Variants in ULK4 observed in about 807,000 individuals in gnomAD.
ULK4 encodes inactive serine/threonine-protein kinase ULK4.
A neutral mutation model predicts 160.6 loss-of-function variants in ULK4; 133 were observed. The ratio of observed to expected loss-of-function variants is 0.83; its 90% confidence interval spans 0.72 to 0.96. The LOEUF is 0.96. Ranked by LOEUF, ULK4 falls within the 40% of genes least tolerant of loss-of-function variation. The pLI is 0.00. For synonymous variants in ULK4, 534 were observed against 539.8 expected (o/e 0.99, Z 0.15); for missense variants, 1,580 against 1,499.5 (o/e 1.05, Z -0.89).
In ULK4 at chr3:41,247,966, T is replaced by C. The variant is rs148025300; in HGVS notation, c.3765-974A>G. Among the ~76,000 whole-genome samples the C allele has an allele frequency of 5.3e-3, 803 of 152,332 alleles. 6 individuals carry two copies. Among genetic ancestry groups the C allele is most frequent in the African/African-American group, 0.019 (779 of 41,576 alleles). ...AGCAACTTCCCCGCCCAACACAAGATCTGTCTGGTGTAGACGTTTTAGATG... is the reference window on the plus strand; with the variant it reads ...AGCAACTTCCCCGCCCAACACAAGACCTGTCTGGTGTAGACGTTTTAGATG... On this transcript the variant is annotated intron_variant, in intron 36 of 36. Coordinates refer to ENST00000301831, the MANE Select transcript of ULK4 (RefSeq NM_017886.4).
chr3:41,277,448 A>T (rs2079248944), intron 35 of ULK4, among the ~76,000 whole-genome samples: 1 of 152,250 alleles, frequency 6.6e-6, no homozygotes, highest in Non-Finnish European at 1.5e-5. Context: ...GGCTTAACAT[A>T]TGCAAGTCAA....
intron 17 of ULK4, among the ~76,000 whole-genome samples, chr3:41,844,487 C>T (rs1243326112): frequency 6.6e-6 from 1 of 152,194 alleles, no homozygotes; most frequent in Non-Finnish European, 1.5e-5. Flanking sequence ...CCATGCCCAC[C>T]CAGAACTCCA....
At chr3:41,363,401 G>GA (rs1228101369) in intron 35 of ULK4, among the ~76,000 whole-genome samples, 12 of 152,282 alleles carry the variant, frequency 7.9e-5, no homozygotes, top group African/African-American at 2.9e-4. Context: ...CTGGTTTGGC[G>GA]AATCAGGAAA....
At chr3:41,300,983 G>C (rs761010751) in intron 35 of ULK4, among the ~76,000 whole-genome samples, 53 of 150,798 alleles carry the variant, frequency 3.5e-4, no homozygotes, top group Non-Finnish European at 8.9e-5. Context: ...AGACTGTTAG[G>C]TGTGTTAGGT....
intron 29 of ULK4, among the ~76,000 whole-genome samples, chr3:41,677,820 G>T (rs1272267374): frequency 6.6e-6 from 1 of 151,938 alleles, no homozygotes. Context: ...CATTTTTCTG[G>T]GTATGGCTGT....
intron 35 of ULK4, among the ~76,000 whole-genome samples, chr3:41,306,870 CAT>C (rs1162207080): frequency 6.6e-6 from 1 of 151,748 alleles, no homozygotes. Context: ...CTCTCTGAAA[CAT>C]GTGCTGTGTC....
intron 35 of ULK4, among the ~76,000 whole-genome samples, chr3:41,293,818 A>G (rs756600972): frequency 7.9e-5 from 12 of 152,230 alleles, no homozygotes; most frequent in Non-Finnish European, 1.6e-4. Flanking sequence ...ATGGAGCCCT[A>G]TGGAAATACT....
chr3:41,681,570 C>A lies in ULK4; in HGVS notation c.2916G>T (p.Glu972Asp). The change falls in exon 29 of 37, where the codon GAG (glutamate) becomes GAT (aspartate). Residue 972 changes from glutamate (E) to aspartate (D), a missense_variant. Physicochemically the swap from Glu to Asp is conservative, Grantham distance 45. Transcript: ENST00000301831. ...TGCTGTCAGAATCAACACTGGCCTT[C>A]TCCTTGCCATCCCCAAACTCCTGGT... ...LVNQEFGDGK[E>D]KASVDSDSNL... 2.5e-6 allele frequency: 4 copies of A among 1,613,970 alleles called. No homozygotes were observed. Among genetic ancestry groups the A allele is most frequent in the Non-Finnish European group, 3.4e-6 (4 of 1,179,966 alleles).
chr3:41,756,012 G>C (rs73071304), intron 21 of ULK4, among the ~76,000 whole-genome samples: 17,975 of 152,186 alleles, frequency 0.12, 1,279 homozygotes, highest in Middle Eastern at 0.27. Context: ...GACAGAGAGA[G>C]AGACAAATTA....
At chr3:41,479,010 G>A (rs923565934) in intron 32 of ULK4, among the ~76,000 whole-genome samples, 1 of 152,238 alleles carries the variant, frequency 6.6e-6, no homozygotes, top group African/African-American at 2.4e-5. Flanking sequence ...GAGATGCAGA[G>A]AAGAAAATCC....
chr3:41,693,616 C>T (rs7610230), intron 27 of ULK4, among the ~76,000 whole-genome samples: 29,192 of 152,018 alleles, frequency 0.19, 7,488 homozygotes, highest in African/African-American at 0.59. Context: ...CATGCCCACT[C>T]TACAGAAAGA....
At chr3:41,655,842 T>C (rs1348219913) in intron 30 of ULK4, among the ~76,000 whole-genome samples, 1 of 152,206 alleles carries the variant, frequency 6.6e-6, no homozygotes, top group Non-Finnish European at 1.5e-5. Flanking sequence ...CAAACATCTC[T>C]GATGATTTGG....
At chr3:41,730,842 G>C (rs12486209) in intron 22 of ULK4, among the ~76,000 whole-genome samples, 335 of 152,236 alleles carry the variant, frequency 2.2e-3, no homozygotes, top group Admixed American at 0.014. Context: ...CCATAATCAA[G>C]TGTAATTCAT....
chr3:41,280,313 T>C (rs561553633), intron 35 of ULK4, among the ~76,000 whole-genome samples: 47 of 152,334 alleles, frequency 3.1e-4, no homozygotes, highest in African/African-American at 1.1e-3. Context: ...GTGGACCTAA[T>C]AGACATCTAC....
chr3:41,419,913 T>A (rs2082621072), intron 34 of ULK4, among the ~76,000 whole-genome samples: 1 of 151,898 alleles, frequency 6.6e-6, no homozygotes, highest in Admixed American at 6.6e-5. Flanking sequence ...CTGTGACCCC[T>A]CACAGGGTGT....
At chr3:41,949,728 C>A (rs1700225707) in intron 2 of ULK4, among the ~76,000 whole-genome samples, 1 of 151,074 alleles carries the variant, frequency 6.6e-6, no homozygotes, top group Non-Finnish European at 1.5e-5. Context: ...AGCCACCACA[C>A]CTGCCTTTTT....
At chr3:41,481,821 C>A (rs1198692295) in intron 32 of ULK4, among the ~76,000 whole-genome samples, 1 of 123,484 alleles carries the variant, frequency 8.1e-6, no homozygotes, top group Non-Finnish European at 1.6e-5. Flanking sequence ...AGCGAGACTC[C>A]GTCTCAAAAA....
At chr3:41,639,810 T>C (rs2034110902) in intron 30 of ULK4, among the ~76,000 whole-genome samples, 1 of 152,202 alleles carries the variant, frequency 6.6e-6, no homozygotes, top group Admixed American at 6.5e-5. Context: ...TTTTTATACA[T>C]TATTTAATAA....
At chr3:41,696,440 G>A (rs981008226) in intron 27 of ULK4, among the ~76,000 whole-genome samples, 8 of 152,174 alleles carry the variant, frequency 5.3e-5, no homozygotes, top group Admixed American at 2.6e-4. Flanking sequence ...TGACCCACGT[G>A]ACCTTACCTA....
Sources: allele counts gnomAD v4.1 joint callset (sites outside exome capture counted in the v4.1 genomes callset), GRCh38; gene constraint gnomAD v4.1.1; transcripts MANE v1.5; gene names NCBI Gene and HGNC (gene_info 2026-07-23, HGNC 2026-07-21).